The following SLC19A1 variants were observed in gnomAD, a reference collection of about 807,000 sequenced individuals.
The protein encoded by SLC19A1 is solute carrier family 19 member 1.
Under a neutral mutation model 35.3 loss-of-function variants are expected in SLC19A1, and 37 were observed. The observed-to-expected ratio is 1.05, with a 90% CI of 0.81 to 1.38. The LOEUF (loss-of-function observed/expected upper bound fraction) is 1.38, where lower values mean the gene tolerates loss of function less well. Among genes scored for constraint, SLC19A1 ranks in the 40% most tolerant of loss-of-function variants. The pLI, the probability that SLC19A1 is intolerant of heterozygous loss-of-function variation, is 0.00. For synonymous variants in SLC19A1, 460 were observed against 398.5 expected (o/e 1.15, Z -1.84); for missense variants, 831 against 826.9 (o/e 1.00, Z -0.06).
In SLC19A1 at chr21:45,530,666, G is replaced by A; in HGVS notation, c.1151+104C>T. 1.6e-6 allele frequency: 2 copies of A among 1,250,678 alleles called. No homozygotes were observed. 77.5% of individuals were successfully genotyped at this position (1,250,678 alleles called of 1,614,324 possible). A position where few individuals can be genotyped will look rare whatever the true frequency, so the allele number is the denominator to read the frequency against. On this transcript the variant is annotated intron_variant, in intron 4 of 5. Transcript: ENST00000311124. This position sits in a 1 kb window ranked among gnomAD's most constrained non-coding sequence, Gnocchi z 5.3. Reference sequence around the variant, plus strand: ...CAGGTGGCTGGCGGGGCCAGCAGTGGCACAGCCGCTGGGGCGCAGCAGGAA... The same window carrying A: ...CAGGTGGCTGGCGGGGCCAGCAGTGACACAGCCGCTGGGGCGCAGCAGGAA...
At chr21:45,503,815 T>A (rs2037015755) in intron 3 of SLC19A1, 1 of 368,194 alleles carries the variant, frequency 2.7e-6, no homozygotes, top group Non-Finnish European at 4.8e-6. Flanking sequence ...AAAAATAAAA[T>A]AAAAATAAAA....
upstream of SLC19A1, among the ~76,000 whole-genome samples, chr21:45,546,612 G>A (rs1195037614): frequency 2.0e-5 from 3 of 152,272 alleles, no homozygotes; most frequent in Admixed American, 6.5e-5. Flanking sequence ...GGGAAAGGGG[G>A]AGGTTTGAAC....
intron 2 of SLC19A1, among the ~76,000 whole-genome samples, chr21:45,537,516 C>T (rs2078154898): frequency 6.7e-6 from 1 of 149,804 alleles, no homozygotes. Flanking sequence ...ATGCCTATTC[C>T]AGAAGCTGCT....
In SLC19A1 at chr21:45,534,410, C is replaced by T. The variant is rs2078038345; in HGVS notation, c.190-2262G>A. On this transcript the variant is annotated intron_variant, in intron 2 of 5. Coordinates refer to ENST00000311124, the MANE Select transcript of SLC19A1 (RefSeq NM_194255.4). This position sits in a 1 kb window ranked among gnomAD's most constrained non-coding sequence, Gnocchi z 4.2. ...TGCGTGGGGGCATGACAGCCCCAGC[C>T]CCTGGCCGGGGCACAGGTTCTGCCC... 2.7e-6 allele frequency: 2 copies of T among 748,370 alleles called. No homozygotes were observed. Among genetic ancestry groups the T allele is most frequent in the Non-Finnish European group, 4.3e-6 (2 of 460,014 alleles). The allele number at this position is 748,370 out of a possible 1,614,324, so 46.4% of individuals were successfully genotyped here.
Position 45,514,620 on chromosome 21 carries a change from G to A in SLC19A1, c.*1038C>T, listed in dbSNP as rs1012422464. On this transcript the variant is annotated 3_prime_UTR_variant, in exon 6 of 6. Transcript: ENST00000311124. ...CCAAGGCCCTGCGTGGGCTGGAGGC[G>A]GGAGAAGGCTGGGACGCCTCTCCTG... The A allele has an allele frequency of 5.5e-5, 11 of 200,348 alleles. No homozygotes were observed. The highest frequency in any genetic ancestry group is 2.1e-4 in the East Asian group (2 of 9,306). 12.4% of individuals were successfully genotyped at this position (200,348 alleles called of 1,614,324 possible).
chr21:45,509,417 C>G (rs187670025), downstream of SLC19A1: 21,368 of 1,539,094 alleles, frequency 0.014, 195 homozygotes, highest in Non-Finnish European at 0.016. Context: ...AACCCCTACC[C>G]GCGGCGGGAG....
intron 3 of SLC19A1, among the ~76,000 whole-genome samples, chr21:45,504,941 C>T (rs79186394): frequency 0.018 from 2,639 of 150,486 alleles, 38 homozygotes; most frequent in African/African-American, 0.023. Flanking sequence ...GTCTCTCCCC[C>T]GGGATCGCAC....
chr21:45,504,210 G>A, intron 3 of SLC19A1: 1 of 961,828 alleles, frequency 1.0e-6, no homozygotes, highest in East Asian at 2.6e-5. Flanking sequence ...CGTCCCTCAG[G>A]ATGTTCCTGT....
chr21:45,507,462 GGCC>G, intron 3 of SLC19A1: 3 of 363,766 alleles, frequency 8.2e-6, no homozygotes, highest in Non-Finnish European at 1.1e-5. Flanking sequence ...GGGCTGGGAG[GGCC>G]AGGTGCTGGG....
intron 5 of SLC19A1, among the ~76,000 whole-genome samples, chr21:45,522,084 C>T (rs1403406810): frequency 1.3e-5 from 2 of 151,854 alleles, no homozygotes; most frequent in Admixed American, 6.6e-5. Flanking sequence ...ATATATCCAA[C>T]AAAGGACTAA....
chr21:45,508,085 TGGGTGAGTGGATGGATGGTGGTCAGGC>T (rs1446548396), downstream of SLC19A1, among the ~76,000 whole-genome samples: 6 of 141,476 alleles, frequency 4.2e-5, no homozygotes, highest in South Asian at 2.4e-4. Context: ...GGTGGACAGG[TGGGTGAGTGGATGGATGGTGGTCAGGC>T]GGGTGAGTGG....
intron 1 of SLC19A1, among the ~76,000 whole-genome samples, chr21:45,561,920 T>C (rs925614402): frequency 6.6e-6 from 1 of 151,686 alleles, no homozygotes; most frequent in Middle Eastern, 3.4e-3. Flanking sequence ...ACCACAAGGT[T>C]AGGAGATCAA....
At position 45,530,385 on chromosome 21, in the gene SLC19A1, C is replaced by T. The variant is rs73372947; in HGVS notation, c.1151+385G>A. 4.7e-3 allele frequency among the ~76,000 whole-genome samples: 710 copies of T among 150,646 alleles called. 4 individuals carry two copies. The highest frequency in any genetic ancestry group is 0.017 in the African/African-American group (677 of 40,960). ...GAGTGTGTGTGTGTCCATGTGTGAG[C>T]GTGTGGTGTGTGTGTGGTGTGAGTG... On this transcript the variant is annotated intron_variant, in intron 4 of 5. Transcript: ENST00000311124. This position sits in a 1 kb window ranked among gnomAD's most constrained non-coding sequence, Gnocchi z 5.3.
At chr21:45,553,800 C>CAT (rs2078499035) in intron 1 of SLC19A1, among the ~76,000 whole-genome samples, 1 of 4,476 alleles carries the variant, frequency 2.2e-4, no homozygotes, top group Non-Finnish European at 3.5e-4. Context: ...CCCCACGCCC[C>CAT]CTCCCAGTCC....
chr21:45,509,427 GC>G, downstream of SLC19A1: 1 of 1,536,270 alleles, frequency 6.5e-7, no homozygotes. Flanking sequence ...CGCGGCGGGA[GC>G]ACCCCCACCC....
chr21:45,512,209 T>G, downstream of SLC19A1: 2 of 1,612,432 alleles, frequency 1.2e-6, no homozygotes, highest in Non-Finnish European at 1.7e-6. Context: ...GCGTGTGGCA[T>G]GGCTCGGACC....
intron 3 of SLC19A1, among the ~76,000 whole-genome samples, chr21:45,503,521 TA>T (rs1197399844): frequency 6.6e-6 from 1 of 151,236 alleles, no homozygotes; most frequent in Non-Finnish European, 1.5e-5. Context: ...TCATTCTCAG[TA>T]AACTATTGCA....
At chr21:45,562,449 C>G (rs1031773282) in intron 1 of SLC19A1, among the ~76,000 whole-genome samples, 3 of 152,178 alleles carry the variant, frequency 2.0e-5, no homozygotes, top group African/African-American at 7.2e-5. Context: ...GACTCACTCT[C>G]CCCCATGAAA....
Position 45,534,423 on chromosome 21 carries a change from A to T in SLC19A1, c.190-2275T>A. 1.2e-6 allele frequency: 1 copy of T among 834,728 alleles called. No homozygotes were observed. The allele number at this position is 834,728 out of a possible 1,614,324, so 51.7% of individuals were successfully genotyped here. The stretch of plus-strand genomic sequence containing the variant: ...GACAGCCCCAGCCCCTGGCCGGGGC[A>T]CAGGTTCTGCCCACAGCCCAGAGTC... On this transcript the variant is annotated intron_variant, in intron 2 of 5. Coordinates refer to ENST00000311124, the MANE Select transcript of SLC19A1 (RefSeq NM_194255.4). The surrounding 1 kb of genome is among the most constrained non-coding windows in gnomAD (Gnocchi z 4.2).
Sources: allele counts gnomAD v4.1 joint callset (sites outside exome capture counted in the v4.1 genomes callset), GRCh38; gene constraint gnomAD v4.1.1; non-coding constraint Gnocchi (gnomAD v3.1); transcripts MANE v1.5; gene names NCBI Gene and HGNC (gene_info 2026-07-23, HGNC 2026-07-21).